DRP2: variants seen among roughly 807,000 people sequenced by gnomAD.
DRP2 encodes the protein dystrophin related protein 2, also known as dystrophin-related protein 2.
Under a neutral mutation model 78.2 loss-of-function variants are expected in DRP2, and 29 were observed. The observed-to-expected ratio is 0.37, with a 90% CI of 0.28 to 0.51. The LOEUF is 0.51. Ranked by LOEUF, DRP2 falls within the 20% of genes least tolerant of loss-of-function variation. The pLI is 0.94. For synonymous variants in DRP2, 290 were observed against 281.9 expected, an observed-to-expected ratio of 1.03 and a Z score of -0.29; for missense variants, 686 against 770.6, an observed-to-expected ratio of 0.89 and a Z score of 1.30.
chrX:101,245,052 C>T lies in DRP2; in HGVS notation c.1090C>T (p.Pro364Ser), dbSNP rs1922878506. 3 of 1,208,498 alleles carry T rather than the reference C, an allele frequency of 2.5e-6. No homozygotes were observed. The highest frequency in any genetic ancestry group is 3.5e-5 in the African/African-American group (2 of 57,108). ...GGTTCCCTGGGAAAGAGCAATTTCA[C>T]CCAATAAAGTTCCCTACTACATCAA... ...VQVPWERAIS[P>S]NKVPYYINHQ... The change falls in exon 10 of 24, where the codon CCC becomes TCC. Residue 364 changes from proline to serine, a missense_variant. Transcript: ENST00000395209.
intron 3 of DRP2, 89 bp from the exon 4 acceptor site, chrX:101,235,771 C>G: frequency 1.0e-6 from 1 of 973,617 alleles, no homozygotes. Flanking sequence ...CCTTCTCTCC[C>G]CTTGTTCACA....
intron 6 of DRP2, 109 bp from the exon 7 acceptor site, chrX:101,241,559 C>A: frequency 9.3e-6 from 8 of 861,633 alleles, no homozygotes; most frequent in Non-Finnish European, 1.3e-5. Flanking sequence ...AACATGCCCA[C>A]ATGTGCACAC....
intron 3 of DRP2, 122 bp downstream of exon 3, chrX:101,231,886 A>G: frequency 3.8e-6 from 2 of 531,407 alleles, no homozygotes; most frequent in South Asian, 3.1e-5. Flanking sequence ...AACCCCTTGG[A>G]TAGCATGGGG....
chrX:101,230,311 G>A (rs1166286139), intron 2 of DRP2, among the ~76,000 whole-genome samples: 1 of 111,269 alleles, frequency 9.0e-6, no homozygotes, highest in African/African-American at 3.3e-5. Flanking sequence ...GATCACCTGA[G>A]GTCAGGAGTT....
chrX:101,254,498 G>A lies in DRP2; in HGVS notation c.2051G>A (p.Ser684Asn). The stretch of plus-strand genomic sequence containing the variant: ...AAATTCCGCTCCAAGCATTATTTCA[G>A]CAAACACCCTCAGCGAGGTTATCTG... ...KNKFRSKHYF[S>N]KHPQRGYLPV... Residue 684 changes from serine (S) to asparagine (N), a missense_variant, in exon 18 of 24, where the codon AGC becomes AAC. This residue lies in a region of DRP2 where 423 missense variants were observed against 531.5 expected (regional missense o/e 0.80). Transcript: ENST00000395209. The A allele has an allele frequency of 2.5e-6, 3 of 1,212,014 alleles. No individual in the cohort carries two copies. The highest frequency in any genetic ancestry group is 3.3e-6 in the Non-Finnish European group (3 of 895,583).
Position 101,250,907 on chromosome X carries a change from G to T in DRP2, c.1699-10G>T, listed in dbSNP as rs202063627. 1.0e-4 allele frequency: 121 copies of T among 1,207,848 alleles called. 1 individual carries two copies. In the African/African-American group the frequency reaches 1.7e-3, roughly 17 times the overall value. On this transcript the variant is annotated splice_polypyrimidine_tract_variant and intron_variant, in intron 15 of 23. Coordinates refer to ENST00000395209, the MANE Select transcript of DRP2 (RefSeq NM_001939.3). The stretch of plus-strand genomic sequence containing the variant: ...CTCAGTCATTCCCATTGGTCTTCTT[G>T]TTTCCGTAGAGCACCGGGAAGCCAG...
intron 8 of DRP2, 142 bp from the exon 9 acceptor site, chrX:101,242,762 G>A: frequency 1.6e-6 from 1 of 612,242 alleles, no homozygotes; most frequent in Non-Finnish European, 2.6e-6. Context: ...GGGATGGCTA[G>A]GAGTTGGGTG....
chrX:101,259,925 G>T, intron 22 of DRP2, 124 bp from the exon 23 acceptor site: 2 of 920,074 alleles, frequency 2.2e-6, no homozygotes, highest in Non-Finnish European at 3.0e-6. Context: ...AATACCAAAA[G>T]CTTCTTAAAG....
chrX:101,236,999 G>A (rs1042086462), intron 4 of DRP2, among the ~76,000 whole-genome samples: 4 of 111,313 alleles, frequency 3.6e-5, no homozygotes, highest in African/African-American at 9.8e-5. Context: ...GGAGGGCAGC[G>A]GGGTAGGAGG....
At chrX:101,250,780 C>A in intron 15 of DRP2, 137 bp from the exon 16 acceptor site, 1 of 945,363 alleles carries the variant, frequency 1.1e-6, no homozygotes, top group Non-Finnish European at 1.5e-6. Context: ...TCAACTAGCA[C>A]AGGGCAGAAC....
chrX:101,248,134 A>G lies in DRP2; in HGVS notation c.1298A>G (p.His433Arg). ...LTTALEIFNE[H>R]DLQASEHVMD... ...ACAGCCCTGGAAATCTTCAATGAGC[A>G]TGATCTGCAGGCCAGTGAGCACGTG... Residue 433 changes from histidine to arginine, a missense_variant, in exon 13 of 24, where the codon CAT becomes CGT. Coordinates refer to ENST00000395209, the MANE Select transcript of DRP2 (RefSeq NM_001939.3). 1 of 1,211,658 alleles carries G rather than the reference A, an allele frequency of 8.3e-7. No homozygotes were observed. Among genetic ancestry groups the G allele is most frequent in the South Asian group, 1.8e-5 (1 of 56,970 alleles).
rs1477956317 is a variant in DRP2, at chrX:101,252,592, C to T, written c.1866-13C>T. 2.5e-6 allele frequency: 3 copies of T among 1,202,759 alleles called. No individual in the cohort carries two copies. The highest frequency in any genetic ancestry group is 3.4e-6 in the Non-Finnish European group (3 of 887,596). ...TTGGACTCTCTTTCCTACTACATCTCCTCTCCCCCAAGGTACCGGAGTCTG... is the reference window on the plus strand; with the variant it reads ...TTGGACTCTCTTTCCTACTACATCTTCTCTCCCCCAAGGTACCGGAGTCTG... On this transcript the variant is annotated splice_polypyrimidine_tract_variant and intron_variant, in intron 16 of 23. Transcript: ENST00000395209.
At chrX:101,257,770 C>T (rs1244053098) in intron 21 of DRP2, among the ~76,000 whole-genome samples, 1 of 111,474 alleles carries the variant, frequency 9.0e-6, no homozygotes, top group Admixed American at 9.5e-5. Context: ...AAAGAAAAAA[C>T]GAACAAAGCC....
At chrX:101,258,233 C>T in intron 21 of DRP2, 76 bp from the exon 22 acceptor site, 1 of 904,162 alleles carries the variant, frequency 1.1e-6, no homozygotes, top group Non-Finnish European at 1.6e-6. Context: ...CACACCTAGG[C>T]CTGAGGGGAC....
At position 101,245,374 on chromosome X, in the gene DRP2, G is replaced by A. The variant is rs1217700971; in HGVS notation, c.1116-14G>A. 8.4e-7 allele frequency: 1 copy of A among 1,195,058 alleles called. No homozygotes were observed. Among genetic ancestry groups the A allele is most frequent in the Non-Finnish European group, 1.1e-6 (1 of 886,373 alleles). The stretch of plus-strand genomic sequence containing the variant: ...TGGTATAGATGCTGGTACTATTGAT[G>A]CTATTGTTTGTAGCCACCAGGCTCA... On this transcript the variant is annotated splice_polypyrimidine_tract_variant and intron_variant, in intron 10 of 23. Coordinates refer to ENST00000395209, the MANE Select transcript of DRP2 (RefSeq NM_001939.3).
chrX:101,249,598 T>C (rs1453890642), intron 14 of DRP2, among the ~76,000 whole-genome samples: 2 of 111,409 alleles, frequency 1.8e-5, no homozygotes, highest in Non-Finnish European at 3.8e-5. Context: ...TTTCTAATTT[T>C]AAAAAGTAAG....
At chrX:101,254,950 G>C (rs1399014827) in intron 19 of DRP2, 26 bp downstream of exon 19, 1 of 1,207,264 alleles carries the variant, frequency 8.3e-7, no homozygotes, top group African/African-American at 1.8e-5. Flanking sequence ...CGGGAGGTGG[G>C]TAGGAGCTGT....
intron 22 of DRP2, among the ~76,000 whole-genome samples, chrX:101,259,639 T>C (rs10482003): frequency 0.35 from 38,426 of 110,379 alleles, 4,896 homozygotes; most frequent in Middle Eastern, 0.45. Context: ...GCTGGGATTA[T>C]AGGCATGGGC....
At chrX:101,240,850 C>T (rs1355360556) in intron 6 of DRP2, among the ~76,000 whole-genome samples, 1 of 112,165 alleles carries the variant, frequency 8.9e-6, no homozygotes, top group South Asian at 3.7e-4. Flanking sequence ...CTAGAAAGAG[C>T]AGCACAATTC....
Sources: allele counts gnomAD v4.1 joint callset (sites outside exome capture counted in the v4.1 genomes callset), GRCh38; gene constraint gnomAD v4.1.1; regional missense constraint gnomAD v4.1.1; transcripts MANE v1.5; gene names NCBI Gene and HGNC (gene_info 2026-07-23, HGNC 2026-07-21).